GPLD1: variants seen among roughly 807,000 people sequenced by gnomAD.
The protein encoded by GPLD1 is glycosylphosphatidylinositol specific phospholipase D1.
A neutral mutation model predicts 112.6 loss-of-function variants in GPLD1; 84 were observed. The ratio of observed to expected loss-of-function variants is 0.75; its 90% CI spans 0.63 to 0.89. GPLD1 has a LOEUF of 0.89. GPLD1 is among the 40% of genes least tolerant of loss of function. The pLI, the probability that GPLD1 is intolerant of heterozygous loss-of-function variation, is 0.00. For missense variants in GPLD1, 1,044 were observed against 1,051.5 expected (o/e 0.99, Z 0.10); for synonymous variants, 386 against 403.8 (o/e 0.96, Z 0.53).
intron 22 of GPLD1, among the ~76,000 whole-genome samples, chr6:24,434,053 A>G (rs1762492254): frequency 1.3e-5 from 2 of 152,174 alleles, no homozygotes; most frequent in Admixed American, 1.3e-4. Context: ...TTATATAAGA[A>G]TATCAGATAA....
chr6:24,473,624 T>C lies in GPLD1; in HGVS notation c.485A>G (p.Asp162Gly), dbSNP rs769049798. The C allele has an allele frequency of 3.1e-6, 5 of 1,603,534 alleles. No individual in the cohort carries two copies. ...CAAATGTAAATAAACAGTACCAAAA[T>C]CACCAGCCGAATGAGCCTCTGAATA... is the stretch of plus-strand genomic sequence containing the variant. ...GSYSEAHSAGDFGGDVLSQFE... is the reference protein window; with the variant it reads ...GSYSEAHSAGGFGGDVLSQFE... Residue 162 changes from aspartate (D) to glycine (G), a missense_variant, in exon 6 of 25, where the codon GAT (aspartate) becomes GGT (glycine). Physicochemically the swap from Asp to Gly is moderately conservative, Grantham distance 94. Transcript: ENST00000230036.
At chr6:24,431,659 C>G (rs952282901) in intron 24 of GPLD1, among the ~76,000 whole-genome samples, 1 of 151,742 alleles carries the variant, frequency 6.6e-6, no homozygotes, top group African/African-American at 2.4e-5. Context: ...CTCAGTCTCC[C>G]GAATAGCTGA....
At position 24,460,311 on chromosome 6, in the gene GPLD1, C is replaced by T. The variant is rs1191088502; in HGVS notation, c.976G>A (p.Gly326Arg). ...VDRNINYTER[G>R]VFFSVNSWTP... ...CAGGAATTTACACTAAAGAACACTC[C>T]TCTTTCAGTATAGTTTATATTCCTG... The change falls in exon 12 of 25, where the codon GGA (glycine) becomes AGA (arginine). Residue 326 changes from glycine (G) to arginine (R), a missense_variant. Gly to Arg is a moderately radical substitution (Grantham distance 125). Transcript: ENST00000230036. 3.1e-6 allele frequency: 5 copies of T among 1,613,270 alleles called. No individual in the cohort carries two copies. The East Asian group carries it at 6.7e-5, about 22-fold the overall frequency.
Position 24,473,605 on chromosome 6 carries a change from TA to T in GPLD1, c.490+13del. 1 of 1,567,346 alleles carries T rather than the reference TA, an allele frequency of 6.4e-7. No homozygotes were observed. Among genetic ancestry groups the T allele is most frequent in the Non-Finnish European group, 8.8e-7 (1 of 1,137,898 alleles). On this transcript the variant is annotated intron_variant, in intron 6 of 24. Transcript: ENST00000230036. ...ATACCACGAGAAAATTTAGCAAATG[TA>T]AATAAACAGTACCAAAATCACCAGC...
chr6:24,429,161 T>A lies in GPLD1; in HGVS notation c.2437-43A>T, dbSNP rs763048838. ...CAGAATTCATGGCTCATTCATAACA[T>A]CTATTGAGTTCCTATGGTAGTCCAG... On this transcript the variant is annotated intron_variant, in intron 24 of 24. Transcript: ENST00000230036. The A allele has an allele frequency of 2.4e-6, 3 of 1,230,716 alleles. No individual in the cohort carries two copies. The East Asian group carries it at 7.0e-5, about 29-fold the overall frequency. The allele number at this position is 1,230,716 out of a possible 1,614,324, so 76.2% of individuals were successfully genotyped here.
chr6:24,449,561 G>A (rs1392410885), intron 15 of GPLD1, among the ~76,000 whole-genome samples: 1 of 152,172 alleles, frequency 6.6e-6, no homozygotes, highest in Non-Finnish European at 1.5e-5. Flanking sequence ...GTGGAATTGG[G>A]AAACCATAGG....
chr6:24,483,790 C>CTGGA (rs920330650), intron 2 of GPLD1, among the ~76,000 whole-genome samples: 4 of 151,910 alleles, frequency 2.6e-5, no homozygotes, highest in African/African-American at 9.7e-5. Flanking sequence ...GTCACCCAGG[C>CTGGA]TGGAGTACAG....
chr6:24,493,579 C>G (rs1445467443), upstream of GPLD1, among the ~76,000 whole-genome samples: 1 of 151,856 alleles, frequency 6.6e-6, no homozygotes, highest in African/African-American at 2.4e-5. Flanking sequence ...ACGCCAGCTC[C>G]CCAGCCCCAC....
At chr6:24,487,311 T>A (rs535677631) in intron 1 of GPLD1, among the ~76,000 whole-genome samples, 1 of 152,224 alleles carries the variant, frequency 6.6e-6, no homozygotes, top group African/African-American at 2.4e-5. Flanking sequence ...TATAAAATCA[T>A]CTAATTTATT....
intron 2 of GPLD1, among the ~76,000 whole-genome samples, chr6:24,481,519 C>T (rs965466863): frequency 3.3e-5 from 5 of 152,138 alleles, no homozygotes; most frequent in Non-Finnish European, 7.3e-5. Context: ...CACCCTCTCC[C>T]GAGGAGAGCC....
chr6:24,480,036 T>G, intron 2 of GPLD1, 77 bp from the exon 3 acceptor site: 1 of 839,186 alleles, frequency 1.2e-6, no homozygotes, highest in Non-Finnish European at 2.1e-6. Context: ...CAATTTTCTG[T>G]GATGAGATGC....
chr6:24,429,079 C>A lies in GPLD1; in HGVS notation c.2476G>T (p.Ala826Ser), dbSNP rs1246257783. 1 of 1,613,788 alleles carries A rather than the reference C, an allele frequency of 6.2e-7. No individual in the cohort carries two copies. The highest frequency in any genetic ancestry group is 1.3e-5 in the African/African-American group (1 of 75,040). The change falls in exon 25 of 25, where the codon GCC becomes TCC. Residue 826 changes from alanine to serine, a missense_variant. Coordinates refer to ENST00000230036, the MANE Select transcript of GPLD1 (RefSeq NM_001503.4). ...ACGTGAAGTGCCCCGGAGAGTCGGG[C>A]TCCCAAAGAACTCCTTCCAGCAGCA... ...VIAAGRSSLG[A>S]RLSGALHVYS...
chr6:24,475,035 C>A, intron 5 of GPLD1, 86 bp downstream of exon 5: 1 of 735,668 alleles, frequency 1.4e-6, no homozygotes, highest in Non-Finnish European at 2.5e-6. Flanking sequence ...CTAACATTTT[C>A]CTTTCTTTTA....
At chr6:24,471,989 C>CAATAA (rs57685523) in intron 7 of GPLD1, among the ~76,000 whole-genome samples, 10,927 of 152,166 alleles carry the variant, frequency 0.072, 1,118 homozygotes, top group African/African-American at 0.23. Context: ...TCAAGATACA[C>CAATAA]AATAAGTGAA....
chr6:24,475,041 T>G, intron 5 of GPLD1, 80 bp downstream of exon 5: 1 of 777,766 alleles, frequency 1.3e-6, no homozygotes, highest in Non-Finnish European at 2.3e-6. Context: ...TTTTCCTTTC[T>G]TTTAAAACGG....
At chr6:24,465,446 A>G (rs1255734046) in intron 10 of GPLD1, among the ~76,000 whole-genome samples, 1 of 151,934 alleles carries the variant, frequency 6.6e-6, no homozygotes, top group East Asian at 1.9e-4. Context: ...AGACTGAGGC[A>G]CAAGAATCAC....
downstream of GPLD1, chr6:24,424,264 C>T (rs1762154889): frequency 6.6e-6 from 1 of 151,352 alleles, no homozygotes; most frequent in African/African-American, 2.5e-5. Flanking sequence ...TTTAATATCA[C>T]CATTGTATGG....
intron 20 of GPLD1, among the ~76,000 whole-genome samples, chr6:24,441,297 ACT>A (rs1440860615): frequency 7.2e-5 from 10 of 139,732 alleles, no homozygotes; most frequent in African/African-American, 8.2e-5. Context: ...AGAGAGCGAG[ACT>A]CTATCTCAAA....
intron 5 of GPLD1, among the ~76,000 whole-genome samples, chr6:24,474,331 C>T (rs536089644): frequency 6.6e-6 from 1 of 152,152 alleles, no homozygotes; most frequent in Non-Finnish European, 1.5e-5. Context: ...ATGTAATTAA[C>T]ATAAATTAAG....
Sources: gnomAD v4.1 joint callset for allele counts (sites outside exome capture counted in the v4.1 genomes callset) on GRCh38, gnomAD v4.1.1 for gene constraint, MANE v1.5 for transcripts, NCBI Gene and HGNC (gene_info 2026-07-23, HGNC 2026-07-21) for gene names.